The following PKD1L3 variants were observed in gnomAD, a reference collection of about 807,000 sequenced individuals.
PKD1L3 encodes polycystin-1-like protein 3.
Under a neutral mutation model 184.1 loss-of-function variants are expected in PKD1L3, and 239 were observed. The ratio of observed to expected loss-of-function variants is 1.30; its 90% CI spans 1.17 to 1.45. The LOEUF (loss-of-function observed/expected upper bound fraction) is 1.45, where lower values mean the gene tolerates loss of function less well. Ranked by LOEUF, PKD1L3 falls within the 40% of genes most tolerant of loss-of-function variation. The pLI is 0.00. For synonymous variants in PKD1L3, 996 were observed against 778.8 expected (o/e 1.28, Z -4.64); for missense variants, 2,660 against 2,067.2 (o/e 1.29, Z -5.56).
rs1233043124 is a variant in PKD1L3, at chr16:71,933,519, AAACTG to A, written c.4825-3_4826del. 1 of 1,548,764 alleles carries A rather than the reference AAACTG, an allele frequency of 6.5e-7. No individual in the cohort carries two copies. The highest frequency in any genetic ancestry group is 1.2e-5 in the South Asian group (1 of 84,002). Reference sequence around the variant, plus strand: ...AGATGCTGCATCCAAACAGCAGGTTAAACTGAACAGAAGGAGAAAGGCCAGTTAGT... The same window carrying A: ...AGATGCTGCATCCAAACAGCAGGTTAAACAGAAGGAGAAAGGCCAGTTAGT... On this transcript the variant is annotated splice_acceptor_variant and splice_polypyrimidine_tract_variant and coding_sequence_variant and intron_variant, in exon 28 of 30. Transcript: ENST00000620267. LOFTEE classifies it high-confidence loss of function.
intron 21 of PKD1L3, among the ~76,000 whole-genome samples, chr16:71,947,861 T>C (rs1395614178): frequency 6.6e-6 from 1 of 152,188 alleles, no homozygotes; most frequent in African/African-American, 2.4e-5. Context: ...ACGATTTGTG[T>C]TGTCTATTCA....
Position 71,969,997 on chromosome 16 carries a change from T to C in PKD1L3, c.2062A>G (p.Ile688Val), listed in dbSNP as rs776929878. 7.7e-6 allele frequency: 12 copies of C among 1,551,758 alleles called. No individual in the cohort carries two copies. Among genetic ancestry groups the C allele is most frequent in the Non-Finnish European group, 1.0e-5 (12 of 1,147,026 alleles). Reference protein sequence around the residue: ...VPRTVNVEDTIKLFLRVTNNP... With the variant: ...VPRTVNVEDTVKLFLRVTNNP... Reference sequence around the variant, plus strand: ...TTGGTCACGCGAAGGAACAGTTTGATCGTGTCTTCAACATTCACGGTCCTG... The same window carrying C: ...TTGGTCACGCGAAGGAACAGTTTGACCGTGTCTTCAACATTCACGGTCCTG... The change falls in exon 13 of 30, where the codon ATC (isoleucine) becomes GTC (valine). Residue 688 changes from isoleucine to valine, a missense_variant. Physicochemically the swap from Ile to Val is conservative, Grantham distance 29. Transcript: ENST00000620267.
chr16:71,975,483 A>G (rs1316534478), intron 11 of PKD1L3, among the ~76,000 whole-genome samples: 1 of 152,154 alleles, frequency 6.6e-6, no homozygotes, highest in Non-Finnish European at 1.5e-5. Context: ...CAAATCTAAG[A>G]TTAGAAATAA....
chr16:71,953,530 C>T (rs1269234350), intron 17 of PKD1L3, among the ~76,000 whole-genome samples: 2 of 152,010 alleles, frequency 1.3e-5, no homozygotes, highest in Non-Finnish European at 2.9e-5. Flanking sequence ...GGCATTAACA[C>T]TTTACATGCC....
chr16:71,999,720 T>C lies in PKD1L3; in HGVS notation c.259A>G (p.Met87Val). 1.3e-6 allele frequency: 2 copies of C among 1,550,662 alleles called. No homozygotes were observed. Among genetic ancestry groups the C allele is most frequent in the Non-Finnish European group, 1.7e-6 (2 of 1,146,408 alleles). ...GKKWWIGQNV[M>V]PLKKHQDNKY... is the part of the protein sequence containing the mutation. Reference sequence around the variant, plus strand: ...TTGTCTTGATGCTTTTTCAATGGCATTACATTTTGCCCAATCCACCACTTC... The same window carrying C: ...TTGTCTTGATGCTTTTTCAATGGCACTACATTTTGCCCAATCCACCACTTC... Residue 87 changes from methionine to valine, a missense_variant, in exon 1 of 30, where the codon ATG (methionine) becomes GTG (valine). Transcript: ENST00000620267.
At chr16:71,974,207 A>G (rs958180909) in intron 11 of PKD1L3, among the ~76,000 whole-genome samples, 32 of 152,180 alleles carry the variant, frequency 2.1e-4, no homozygotes, top group Admixed American at 6.5e-5. Flanking sequence ...ACTGCACGCT[A>G]GGGACCGGAG....
intron 26 of PKD1L3, among the ~76,000 whole-genome samples, 193 bp from the exon 27 acceptor site, chr16:71,934,318 CAAGTGATCTA>C (rs1185585763): frequency 6.6e-6 from 1 of 152,158 alleles, no homozygotes; most frequent in Non-Finnish European, 1.5e-5. Flanking sequence ...ACATACTATT[CAAGTGATCTA>C]CCTGCTGCAG....
chr16:71,951,494 G>T, intron 19 of PKD1L3, 70 bp downstream of exon 19: 2 of 1,423,246 alleles, frequency 1.4e-6, no homozygotes, highest in Non-Finnish European at 9.4e-7. Context: ...GAATGAGTAA[G>T]AAAGTAAGAC....
chr16:71,930,249 ATAT>A, intron 28 of PKD1L3, 66 bp from the exon 29 acceptor site: 9 of 1,426,240 alleles, frequency 6.3e-6, no homozygotes, highest in Non-Finnish European at 8.4e-6. Context: ...AACATAAGCT[ATAT>A]GCTAGTGTTT....
chr16:71,984,395 T>G (rs576981742), intron 5 of PKD1L3, among the ~76,000 whole-genome samples: 1 of 152,360 alleles, frequency 6.6e-6, no homozygotes, highest in Admixed American at 6.5e-5. Context: ...ATATAATGAT[T>G]GCTCCAAGGG....
chr16:71,937,107 G>A (rs2038206767), intron 25 of PKD1L3, among the ~76,000 whole-genome samples, 185 bp downstream of exon 25: 1 of 152,106 alleles, frequency 6.6e-6, no homozygotes, highest in Non-Finnish European at 1.5e-5. Flanking sequence ...CCAGGCTGAA[G>A]TGCAGTGGCG....
At chr16:71,985,843 G>C (rs1457856213) in intron 5 of PKD1L3, among the ~76,000 whole-genome samples, 2 of 152,168 alleles carry the variant, frequency 1.3e-5, no homozygotes, top group African/African-American at 4.8e-5. Context: ...TGGGATTATA[G>C]GCGTGACTCA....
intron 18 of PKD1L3, 85 bp downstream of exon 18, chr16:71,952,809 G>A: frequency 7.2e-7 from 1 of 1,382,328 alleles, no homozygotes; most frequent in Non-Finnish European, 9.7e-7. Context: ...CTACACTCCA[G>A]TCTGTGCAAC....
At chr16:71,943,990 G>A (rs548837467) in intron 23 of PKD1L3, 40 bp downstream of exon 23, 60 of 1,513,720 alleles carry the variant, frequency 4.0e-5, no homozygotes, top group Non-Finnish European at 4.9e-5. Flanking sequence ...TTCTGGAAAA[G>A]GTGCTGTGTT....
At chr16:71,983,979 T>G in intron 6 of PKD1L3, 57 bp downstream of exon 6, 1 of 1,538,636 alleles carries the variant, frequency 6.5e-7, no homozygotes, top group Non-Finnish European at 8.8e-7. Context: ...TCTCTTTTTC[T>G]GTTTTCCGCT....
Position 71,982,098 on chromosome 16 carries a change from T to A in PKD1L3, c.1104A>T (p.Gly368=). The change falls in exon 7 of 30, where the codon GGA becomes GGT. Residue 368 remains glycine, a synonymous_variant. Coordinates refer to ENST00000620267, the MANE Select transcript of PKD1L3 (RefSeq NM_181536.2). ...FHSLNNVTKA[G]EGSWLESKRH... is the part of the protein sequence containing the mutation. ...GCTTGGATTCCAGCCAACTTCCTTCTCCAGCTTTGGTGACATTGTTGAGGG... is the reference window on the plus strand; with the variant it reads ...GCTTGGATTCCAGCCAACTTCCTTCACCAGCTTTGGTGACATTGTTGAGGG... The A allele has an allele frequency of 6.4e-7, 1 of 1,550,998 alleles. No individual in the cohort carries two copies.
chr16:71,931,463 CTTTTTTTTTT>C (rs11405919), intron 28 of PKD1L3, among the ~76,000 whole-genome samples: 29 of 115,892 alleles, frequency 2.5e-4, no homozygotes, highest in Middle Eastern at 5.8e-3. Context: ...TTCTCCCCCA[CTTTTTTTTTT>C]TTTTTTTTTT....
At chr16:71,982,274 TTTGC>T in intron 6 of PKD1L3, 39 bp from the exon 7 acceptor site, 2 of 1,254,662 alleles carry the variant, frequency 1.6e-6, no homozygotes, top group South Asian at 1.9e-5. Context: ...CCTTGAATTG[TTTGC>T]TTTTTTTTTT....
intron 15 of PKD1L3, among the ~76,000 whole-genome samples, chr16:71,965,822 G>A (rs543389525): frequency 6.6e-5 from 10 of 152,294 alleles, no homozygotes; most frequent in African/African-American, 2.2e-4. Context: ...CCAAAGTGCT[G>A]GGATTACAGG....
Sources: gnomAD v4.1 joint callset for allele counts (sites outside exome capture counted in the v4.1 genomes callset) on GRCh38, gnomAD v4.1.1 for gene constraint, MANE v1.5 for transcripts, NCBI Gene and HGNC (gene_info 2026-07-23, HGNC 2026-07-21) for gene names.